The following CSMD3 variants were observed in gnomAD, a reference collection of about 807,000 sequenced individuals.
The protein encoded by CSMD3 is CUB and sushi domain-containing protein 3.
Under a neutral mutation model 435.2 loss-of-function variants are expected in CSMD3, and 177 were observed. That is an observed-to-expected ratio of 0.41 (90% CI 0.36 to 0.46). The LOEUF (loss-of-function observed/expected upper bound fraction) is 0.46. Ranked by LOEUF, CSMD3 falls within the 20% of genes least tolerant of loss-of-function variation. CSMD3 has a pLI of 0.34. For synonymous variants in CSMD3, 1,656 were observed against 1,520.5 expected (o/e 1.09, Z -2.07); for missense variants, 4,265 against 4,504.6 (o/e 0.95, Z 1.52).
At chr8:113,362,142 G>T (rs536690368) in intron 1 of CSMD3, among the ~76,000 whole-genome samples, 1 of 152,196 alleles carries the variant, frequency 6.6e-6, no homozygotes, top group South Asian at 2.1e-4. Flanking sequence ...AGTCCAGCTG[G>T]TCAAATATTT....
chr8:113,353,185 T>C lies in CSMD3; in HGVS notation c.179-38392A>G, dbSNP rs542040763. Among the ~76,000 whole-genome samples, 55 of 152,244 alleles carry C rather than the reference T, an allele frequency of 3.6e-4. No homozygotes were observed. In the Middle Eastern group the frequency reaches 0.014, roughly 38 times the overall value. On this transcript the variant is annotated intron_variant, in intron 1 of 70. Transcript: ENST00000297405. ...AAAGGAAAATGATACATCAAATCTC[T>C]GCAATAAAATACTAAAGGACATAGG...
intron 28 of CSMD3, among the ~76,000 whole-genome samples, chr8:112,510,860 T>C (rs1263464451): frequency 1.3e-5 from 2 of 152,192 alleles, no homozygotes; most frequent in Admixed American, 1.3e-4. Context: ...TTTCATAACG[T>C]TTGTTGAATT....
chr8:112,896,765 C>T (rs371489169), intron 10 of CSMD3, among the ~76,000 whole-genome samples: 1 of 151,382 alleles, frequency 6.6e-6, no homozygotes, highest in Admixed American at 6.6e-5. Flanking sequence ...ATTCCTCATA[C>T]TACATCCAGT....
At chr8:113,199,408 T>G (rs182074214) in intron 3 of CSMD3, among the ~76,000 whole-genome samples, 1 of 151,956 alleles carries the variant, frequency 6.6e-6, no homozygotes, top group Admixed American at 6.6e-5. Flanking sequence ...TGTTGATCTG[T>G]CTGCATTTTT....
In CSMD3 at chr8:113,115,643, A is replaced by C. The variant is rs2090799993; in HGVS notation, c.710-16680T>G. Among the ~76,000 whole-genome samples, 10 of 152,256 alleles carry C rather than the reference A, an allele frequency of 6.6e-5. No individual in the cohort carries two copies. The South Asian group carries it at 2.1e-3, about 32-fold the overall frequency. ...ATGTAATTATAGTTTATTAATTTTCACTGTTTGACAGTGGTACGTGTCACT... is the reference window on the plus strand; with the variant it reads ...ATGTAATTATAGTTTATTAATTTTCCCTGTTTGACAGTGGTACGTGTCACT... On this transcript the variant is annotated intron_variant, in intron 4 of 70. Coordinates refer to ENST00000297405, the MANE Select transcript of CSMD3 (RefSeq NM_198123.2).
intron 24 of CSMD3, among the ~76,000 whole-genome samples, chr8:112,561,742 C>G (rs1442883345): frequency 6.6e-6 from 1 of 151,758 alleles, no homozygotes; most frequent in East Asian, 1.9e-4. Context: ...TATTACATAT[C>G]TATACATCAA....
intron 1 of CSMD3, among the ~76,000 whole-genome samples, chr8:113,409,481 G>A (rs990797815): frequency 2.0e-5 from 3 of 152,102 alleles, no homozygotes; most frequent in African/African-American, 7.2e-5. Context: ...TGCAAGGAGA[G>A]ACGCATTGTA....
At chr8:113,385,936 A>G (rs1246415003) in intron 1 of CSMD3, among the ~76,000 whole-genome samples, 1 of 152,020 alleles carries the variant, frequency 6.6e-6, no homozygotes, top group Non-Finnish European at 1.5e-5. Context: ...AAAATTATCT[A>G]TTTACGTGCA....
At chr8:113,255,829 T>C (rs2093375414) in intron 3 of CSMD3, among the ~76,000 whole-genome samples, 1 of 151,896 alleles carries the variant, frequency 6.6e-6, no homozygotes, top group South Asian at 2.1e-4. Flanking sequence ...TATAATAATA[T>C]ATAGTAATTA....
At chr8:113,199,517 A>T (rs1316965204) in intron 3 of CSMD3, among the ~76,000 whole-genome samples, 2 of 151,764 alleles carry the variant, frequency 1.3e-5, no homozygotes, top group Non-Finnish European at 2.9e-5. Flanking sequence ...CCTTAAATTT[A>T]AAAACTGCCT....
intron 59 of CSMD3, among the ~76,000 whole-genome samples, chr8:112,267,546 T>C (rs1817066741): frequency 6.6e-6 from 1 of 152,114 alleles, no homozygotes; most frequent in South Asian, 2.1e-4. Flanking sequence ...ATTTTATATT[T>C]ATAACCAAGA....
chr8:112,739,049 G>C (rs1249765967), intron 13 of CSMD3, among the ~76,000 whole-genome samples: 1 of 151,476 alleles, frequency 6.6e-6, no homozygotes, highest in African/African-American at 2.4e-5. Flanking sequence ...AGGAAATAAA[G>C]GTTATAAAAA....
intron 4 of CSMD3, among the ~76,000 whole-genome samples, chr8:113,156,364 A>G (rs2091928463): frequency 6.6e-6 from 1 of 152,088 alleles, no homozygotes; most frequent in East Asian, 1.9e-4. Context: ...TTTTTCCTTT[A>G]TATCACTCAT....
intron 40 of CSMD3, among the ~76,000 whole-genome samples, chr8:112,349,032 A>G (rs1297103528): frequency 2.0e-5 from 3 of 152,064 alleles, no homozygotes; most frequent in Admixed American, 6.5e-5. Context: ...GGTTTTAAGC[A>G]GTTCTATTCA....
At chr8:112,602,805 C>T (rs1435022217) in intron 22 of CSMD3, among the ~76,000 whole-genome samples, 3 of 151,778 alleles carry the variant, frequency 2.0e-5, no homozygotes, top group Admixed American at 6.6e-5. Context: ...TTTATTGATA[C>T]TGTAAGTTTA....
At chr8:113,229,907 A>G (rs2093066388) in intron 3 of CSMD3, among the ~76,000 whole-genome samples, 1 of 151,426 alleles carries the variant, frequency 6.6e-6, no homozygotes, top group Non-Finnish European at 1.5e-5. Flanking sequence ...TACTCTCTCT[A>G]TACCTGTATT....
intron 5 of CSMD3, among the ~76,000 whole-genome samples, chr8:113,092,528 A>C (rs2090039647): frequency 6.6e-6 from 1 of 152,104 alleles, no homozygotes; most frequent in Non-Finnish European, 1.5e-5. Flanking sequence ...ATAGCCATGT[A>C]ATTAGATTTT....
At chr8:113,403,327 A>G (rs2094518574) in intron 1 of CSMD3, among the ~76,000 whole-genome samples, 1 of 151,410 alleles carries the variant, frequency 6.6e-6, no homozygotes, top group Non-Finnish European at 1.5e-5. Context: ...TTGTTTCAAA[A>G]TCTAATATTT....
chr8:112,911,692 A>C (rs1045240037), intron 10 of CSMD3, among the ~76,000 whole-genome samples: 4 of 134,216 alleles, frequency 3.0e-5, no homozygotes, highest in Admixed American at 2.4e-4. Flanking sequence ...GTATATATTT[A>C]GTTAATTGTT....
Sources: gnomAD v4.1 joint callset for allele counts (sites outside exome capture counted in the v4.1 genomes callset) on GRCh38, gnomAD v4.1.1 for gene constraint, MANE v1.5 for transcripts, NCBI Gene and HGNC (gene_info 2026-07-23, HGNC 2026-07-21) for gene names.